CHRNB1: variants seen among roughly 807,000 people sequenced by gnomAD.
CHRNB1 encodes the protein cholinergic receptor nicotinic beta 1 subunit.
Under a neutral mutation model 53.8 loss-of-function variants are expected in CHRNB1, and 47 were observed. The ratio of observed to expected loss-of-function variants is 0.87; its 90% CI spans 0.69 to 1.11. CHRNB1 has a LOEUF of 1.11. CHRNB1 is among the 50% of genes most tolerant of loss of function. CHRNB1 has a pLI of 0.00. For synonymous variants in CHRNB1, 259 were observed against 263.5 expected, an observed-to-expected ratio of 0.98 and a Z score of 0.16; for missense variants, 605 against 654.9, an observed-to-expected ratio of 0.92 and a Z score of 0.83.
chr17:7,445,150 TGCTGCTGGGGGCGCTGGGGGCGCCGCTC>T lies in CHRNB1; in HGVS notation c.26_53del (p.Leu9ProfsTer49), dbSNP rs1479805373. 17 of 1,609,768 alleles carry T rather than the reference TGCTGCTGGGGGCGCTGGGGGCGCCGCTC, an allele frequency of 1.1e-5. No homozygotes were observed. Among genetic ancestry groups the T allele is most frequent in the Non-Finnish European group, 1.4e-5 (17 of 1,179,630 alleles). On this transcript the variant is annotated frameshift_variant, in exon 1 of 11. Coordinates refer to ENST00000306071, the MANE Select transcript of CHRNB1 (RefSeq NM_000747.3). LOFTEE classifies it high-confidence loss of function. This position sits in a 1 kb window ranked among gnomAD's most constrained non-coding sequence, Gnocchi z 5.7. ...GCTATGACCCCAGGGGCTCTGCTGA[TGCTGCTGGGGGCGCTGGGGGCGCCGCTC>T]GCCCCAGGTAAGTGTAGGCCCCGAA...
At chr17:7,453,790 G>A (rs994643694) in intron 7 of CHRNB1, among the ~76,000 whole-genome samples, 1 of 151,544 alleles carries the variant, frequency 6.6e-6, no homozygotes, top group Non-Finnish European at 1.5e-5. Context: ...GTTGGGCAAA[G>A]TGGCTCACGC....
At chr17:7,447,407 T>C in intron 5 of CHRNB1, 96 bp from the exon 6 acceptor site, 1 of 1,424,918 alleles carries the variant, frequency 7.0e-7, no homozygotes, top group Non-Finnish European at 9.9e-7. Context: ...AATTCCTCCA[T>C]GATTTCCCTT....
At chr17:7,449,780 C>T (rs1001543159) in intron 7 of CHRNB1, among the ~76,000 whole-genome samples, 1 of 151,828 alleles carries the variant, frequency 6.6e-6, no homozygotes, top group Admixed American at 6.6e-5. Context: ...CGCGGTGGCT[C>T]ACGCCTGTAA....
At chr17:7,452,349 C>T (rs1908923763) in intron 7 of CHRNB1, among the ~76,000 whole-genome samples, 2 of 152,184 alleles carry the variant, frequency 1.3e-5, no homozygotes, top group African/African-American at 2.4e-5. Flanking sequence ...TGAGCCACCG[C>T]ACCCAGCTTG....
rs755368307 is a variant in CHRNB1, at chr17:7,445,133, C to T, written c.6C>T (p.Thr2=). 2.8e-4 allele frequency: 448 copies of T among 1,608,674 alleles called. 1 individual carries two copies. The highest frequency in any genetic ancestry group is 3.6e-4 in the Non-Finnish European group (425 of 1,179,534). The change falls in exon 1 of 11, where the codon ACC becomes ACT. Residue 2 remains threonine (T), a synonymous_variant. Transcript: ENST00000306071. This position sits in a 1 kb window ranked among gnomAD's most constrained non-coding sequence, Gnocchi z 5.7. The part of the protein sequence containing the change: M[T]PGALLMLLGA... The stretch of plus-strand genomic sequence containing the variant: ...ACTGAGCGAGCCGCCAGGCTATGAC[C>T]CCAGGGGCTCTGCTGATGCTGCTGG...
Position 7,455,822 on chromosome 17 carries a change from C to G in CHRNB1, c.1246C>G (p.Leu416Val). The change falls in exon 10 of 11, where the codon CTG becomes GTG. Residue 416 changes from leucine (L) to valine (V), a missense_variant. Coordinates refer to ENST00000306071, the MANE Select transcript of CHRNB1 (RefSeq NM_000747.3). ...CCAGCCTGAACTGTCTGCCCCTGAT[C>G]TGCGGCGATTTATCGATGGTCCAAA... Reference protein sequence around the residue: ...RFQPELSAPDLRRFIDGPNRA... With the variant: ...RFQPELSAPDVRRFIDGPNRA... 6.2e-7 allele frequency: 1 copy of G among 1,614,162 alleles called. No homozygotes were observed. The highest frequency in any genetic ancestry group is 8.5e-7 in the Non-Finnish European group (1 of 1,180,044).
At position 7,447,115 on chromosome 17, in the gene CHRNB1, A is replaced by AC. The variant is rs766221698; in HGVS notation, c.431dup (p.Ile146HisfsTer43). On this transcript the variant is annotated frameshift_variant, in exon 5 of 11. Coordinates refer to ENST00000306071, the MANE Select transcript of CHRNB1 (RefSeq NM_000747.3). LOFTEE classifies it high-confidence loss of function. ...CCTCCGACGGCTCCGTGCGTTGGCA[A>AC]CCCCCGGGCATCTATCGCAGCAGCT... is the stretch of plus-strand genomic sequence containing the variant. 6.2e-7 allele frequency: 1 copy of AC among 1,613,674 alleles called. No individual in the cohort carries two copies. The highest frequency in any genetic ancestry group is 1.1e-5 in the South Asian group (1 of 91,042).
intron 6 of CHRNB1, 87 bp downstream of exon 6, chr17:7,447,737 A>G (rs1908701785): frequency 6.6e-7 from 1 of 1,522,092 alleles, no homozygotes; most frequent in Non-Finnish European, 9.1e-7. Flanking sequence ...GATGCCCAAT[A>G]TAGCCCTGTG....
chr17:7,456,363 T>C (rs958873093), intron 10 of CHRNB1, among the ~76,000 whole-genome samples: 2 of 152,030 alleles, frequency 1.3e-5, no homozygotes, highest in African/African-American at 4.8e-5. Flanking sequence ...CTCGCTTTCG[T>C]TTCTGATTGG....
At chr17:7,449,995 C>G (rs1181604406) in intron 7 of CHRNB1, among the ~76,000 whole-genome samples, 2 of 151,038 alleles carry the variant, frequency 1.3e-5, no homozygotes, top group Non-Finnish European at 2.9e-5. Context: ...AGTGAGCCGA[C>G]ATTGTGCCAC....
At chr17:7,446,220 G>A in intron 3 of CHRNB1, 107 bp downstream of exon 3, 4 of 966,418 alleles carry the variant, frequency 4.1e-6, no homozygotes, top group Non-Finnish European at 6.6e-6. Context: ...TAGATAACAC[G>A]TTTATAACTG....
In CHRNB1 at chr17:7,445,159, G is replaced by T; in HGVS notation, c.32G>T (p.Gly11Val). The change falls in exon 1 of 11, where the codon GGG becomes GTG. Residue 11 changes from glycine (G) to valine (V), a missense_variant. Gly to Val is a moderately radical substitution (Grantham distance 109). Coordinates refer to ENST00000306071, the MANE Select transcript of CHRNB1 (RefSeq NM_000747.3). This position sits in a 1 kb window ranked among gnomAD's most constrained non-coding sequence, Gnocchi z 5.7. ...CCAGGGGCTCTGCTGATGCTGCTGGGGGCGCTGGGGGCGCCGCTCGCCCCA... is the reference window on the plus strand; with the variant it reads ...CCAGGGGCTCTGCTGATGCTGCTGGTGGCGCTGGGGGCGCCGCTCGCCCCA... The part of the protein sequence containing the change: MTPGALLMLL[G>V]ALGAPLAPGV... 1 of 1,609,250 alleles carries T rather than the reference G, an allele frequency of 6.2e-7. No individual in the cohort carries two copies.
chr17:7,456,577 C>A lies in CHRNB1; in HGVS notation c.1366-6C>A. 1 of 1,614,054 alleles carries A rather than the reference C, an allele frequency of 6.2e-7. No homozygotes were observed. The highest frequency in any genetic ancestry group is 8.5e-7 in the Non-Finnish European group (1 of 1,180,014). On this transcript the variant is annotated splice_region_variant and splice_polypyrimidine_tract_variant and intron_variant, in intron 10 of 10. Transcript: ENST00000306071. ...AGCTCAGGAAGTTTCCTTTGCCTACCCACAGCTGAAGGAGGACTGGCAGTT... is the reference window on the plus strand; with the variant it reads ...AGCTCAGGAAGTTTCCTTTGCCTACACACAGCTGAAGGAGGACTGGCAGTT...
intron 7 of CHRNB1, among the ~76,000 whole-genome samples, chr17:7,451,002 A>C (rs530650317): frequency 1.2e-4 from 18 of 152,258 alleles, no homozygotes; most frequent in Admixed American, 9.8e-4. Flanking sequence ...CAAGAAACAG[A>C]AAGGAGGCCA....
At position 7,445,869 on chromosome 17, in the gene CHRNB1, G is replaced by A; in HGVS notation, c.199-200G>A. On this transcript the variant is annotated intron_variant, in intron 2 of 10. Transcript: ENST00000306071. The surrounding 1 kb of genome is among the most constrained non-coding windows in gnomAD (Gnocchi z 5.7). ...CGGGTCTGGTAGGTTGATAGGCTGG[G>A]AGTGTAGACGGCAGGAAGAGGTGTT... 2 of 645,540 alleles carry A rather than the reference G, an allele frequency of 3.1e-6. No homozygotes were observed. The highest frequency in any genetic ancestry group is 5.5e-6 in the Non-Finnish European group (2 of 360,450). 40.0% of individuals were successfully genotyped at this position (645,540 alleles called of 1,614,324 possible). A position where few individuals can be genotyped will look rare whatever the true frequency, so the allele number is the denominator to read the frequency against.
rs1288727425 is a variant in CHRNB1, at chr17:7,455,402, A to G, written c.1163A>G (p.Asp388Gly). ...SPGSGWGRGTDEYFIRKPPSD... is the reference protein window; with the variant it reads ...SPGSGWGRGTGEYFIRKPPSD... ...GGAAGTGGCTGGGGTCGGGGAACAG[A>G]TGAATATTTCATCCGGAAGCCGCCA... The change falls in exon 9 of 11, where the codon GAT (aspartate) becomes GGT (glycine). Residue 388 changes from aspartate (D) to glycine (G), a missense_variant. Asp to Gly is a moderately conservative substitution (Grantham distance 94). Transcript: ENST00000306071. 5 of 1,614,142 alleles carry G rather than the reference A, an allele frequency of 3.1e-6. No individual in the cohort carries two copies. Among genetic ancestry groups the G allele is most frequent in the Non-Finnish European group, 4.2e-6 (5 of 1,180,040 alleles).
chr17:7,448,833 T>A, intron 7 of CHRNB1, 45 bp downstream of exon 7: 4 of 1,585,948 alleles, frequency 2.5e-6, no homozygotes, highest in Non-Finnish European at 3.5e-6. Flanking sequence ...TTGGCTCAGC[T>A]TCTTACTCTT....
In CHRNB1 at chr17:7,445,720, C is replaced by G. The variant is rs1349223161; in HGVS notation, c.198+311C>G. 2 of 930,410 alleles carry G rather than the reference C, an allele frequency of 2.1e-6. No homozygotes were observed. Among genetic ancestry groups the G allele is most frequent in the Non-Finnish European group, 3.1e-6 (2 of 644,238 alleles). 57.6% of individuals were successfully genotyped at this position (930,410 alleles called of 1,614,324 possible). A position where few individuals can be genotyped will look rare whatever the true frequency, so the allele number is the denominator to read the frequency against. ...TAGGGCCACATGAGTCCTGAGTGCCCAGGGTGGGGCGGAGCTTGGTGCTCA... is the reference window on the plus strand; with the variant it reads ...TAGGGCCACATGAGTCCTGAGTGCCGAGGGTGGGGCGGAGCTTGGTGCTCA... On this transcript the variant is annotated intron_variant, in intron 2 of 10. Transcript: ENST00000306071. The surrounding 1 kb of genome is among the most constrained non-coding windows in gnomAD (Gnocchi z 5.7).
chr17:7,446,625 A>G, intron 3 of CHRNB1: 1 of 598,234 alleles, frequency 1.7e-6, no homozygotes, highest in East Asian at 2.8e-5. Context: ...AGAGTAAAAT[A>G]TTGAAACCCG....
Sources: gnomAD v4.1 joint callset for allele counts (sites outside exome capture counted in the v4.1 genomes callset) on GRCh38, gnomAD v4.1.1 for gene constraint, Gnocchi (gnomAD v3.1) non-coding constraint, MANE v1.5 for transcripts, NCBI Gene and HGNC (gene_info 2026-07-23, HGNC 2026-07-21) for gene names.